Variants in FNDC3B observed in about 807,000 individuals in gnomAD.
The protein encoded by FNDC3B is fibronectin type III domain-containing protein 3B.
A neutral mutation model predicts 151.5 loss-of-function variants in FNDC3B; 12 were observed. The ratio of observed to expected loss-of-function variants is 0.08; its 90% CI spans 0.05 to 0.13. The LOEUF (loss-of-function observed/expected upper bound fraction) is 0.13. Among genes scored for constraint, FNDC3B ranks in the 10% least tolerant of loss-of-function variants. The pLI is 1.00. For synonymous variants in FNDC3B, 528 were observed against 549.0 expected, an observed-to-expected ratio of 0.96 and a Z score of 0.54; for missense variants, 1,214 against 1,505.3, an observed-to-expected ratio of 0.81 and a Z score of 3.20.
chr3:172,255,094 C>T (rs1007984059), intron 6 of FNDC3B, among the ~76,000 whole-genome samples: 14 of 152,190 alleles, frequency 9.2e-5, no homozygotes, highest in African/African-American at 3.4e-4. Flanking sequence ...AAGTAGGCAT[C>T]TCTCTACTCT....
At chr3:172,039,937 G>A (rs967878907) in intron 1 of FNDC3B, among the ~76,000 whole-genome samples, 166 bp downstream of exon 1, 4 of 151,882 alleles carry the variant, frequency 2.6e-5, no homozygotes, top group African/African-American at 9.7e-5. Flanking sequence ...CGGAGTGCTG[G>A]GGCGCCCCGT....
At chr3:172,234,050 C>T (rs113819995) in intron 4 of FNDC3B, among the ~76,000 whole-genome samples, 383 of 152,324 alleles carry the variant, frequency 2.5e-3, no homozygotes, top group African/African-American at 8.5e-3. Flanking sequence ...ATCCCCTCCC[C>T]TCAAAGTATT....
intron 25 of FNDC3B, among the ~76,000 whole-genome samples, chr3:172,381,789 G>A (rs892054339): frequency 1.3e-5 from 2 of 152,142 alleles, no homozygotes; most frequent in African/African-American, 4.8e-5. Flanking sequence ...TCCCTACAAA[G>A]GACATGAACT....
intron 5 of FNDC3B, among the ~76,000 whole-genome samples, chr3:172,249,520 T>G (rs1312034972): frequency 6.6e-6 from 1 of 152,220 alleles, no homozygotes; most frequent in African/African-American, 2.4e-5. Flanking sequence ...TGATATATTC[T>G]TTTACCTTAG....
At chr3:172,275,317 A>C (rs900776632) in intron 6 of FNDC3B, among the ~76,000 whole-genome samples, 2 of 152,192 alleles carry the variant, frequency 1.3e-5, no homozygotes, top group Non-Finnish European at 2.9e-5. Context: ...GGAAATATAC[A>C]TGCAGAAGAC....
intron 13 of FNDC3B, 43 bp from the exon 14 acceptor site, chr3:172,333,046 G>A (rs1732758497): frequency 1.5e-6 from 2 of 1,324,332 alleles, no homozygotes; most frequent in Non-Finnish European, 2.2e-6. Context: ...TTAATGCCCA[G>A]AATTTTTTAT....
intron 1 of FNDC3B, among the ~76,000 whole-genome samples, chr3:172,104,313 C>T (rs1219922959): frequency 6.6e-6 from 1 of 151,588 alleles, no homozygotes; most frequent in Non-Finnish European, 1.5e-5. Flanking sequence ...AAATTAATTA[C>T]TGAAGTTCAG....
chr3:172,047,857 CAT>C (rs1213825950), intron 1 of FNDC3B, among the ~76,000 whole-genome samples: 1 of 152,080 alleles, frequency 6.6e-6, no homozygotes, highest in Non-Finnish European at 1.5e-5. Context: ...CTTCTTTTGT[CAT>C]GTGTAAGCAT....
chr3:172,152,373 G>A (rs906965021), intron 3 of FNDC3B, among the ~76,000 whole-genome samples: 4 of 152,134 alleles, frequency 2.6e-5, no homozygotes, highest in Non-Finnish European at 4.4e-5. Flanking sequence ...AAGTAGTAGC[G>A]CAGTGCCTGG....
chr3:172,263,860 C>T (rs919967309), intron 6 of FNDC3B, among the ~76,000 whole-genome samples: 5 of 152,088 alleles, frequency 3.3e-5, no homozygotes, highest in African/African-American at 1.2e-4. Flanking sequence ...ATTAGCATTC[C>T]TCTGAAGAAA....
At chr3:172,109,939 T>C (rs925233090) in intron 1 of FNDC3B, among the ~76,000 whole-genome samples, 2 of 152,236 alleles carry the variant, frequency 1.3e-5, no homozygotes, top group Non-Finnish European at 2.9e-5. Context: ...CCCCATACTC[T>C]TCTATCCTAC....
At chr3:172,141,015 A>G (rs1017071103) in intron 3 of FNDC3B, among the ~76,000 whole-genome samples, 6 of 152,324 alleles carry the variant, frequency 3.9e-5, no homozygotes, top group African/African-American at 1.4e-4. Flanking sequence ...TTAACCTGTT[A>G]GCCCCAATTT....
intron 3 of FNDC3B, among the ~76,000 whole-genome samples, chr3:172,198,301 T>C (rs1317618838): frequency 6.6e-6 from 1 of 152,140 alleles, no homozygotes; most frequent in East Asian, 1.9e-4. Flanking sequence ...AGTATTGCAG[T>C]TGTGCCTCTC....
rs758288558 is a variant in FNDC3B, at chr3:172,285,927, A to C, written c.792A>C (p.Glu264Asp). The C allele has an allele frequency of 9.3e-6, 15 of 1,612,590 alleles. No homozygotes were observed. Among genetic ancestry groups the C allele is most frequent in the Middle Eastern group, 1.6e-4 (1 of 6,078 alleles). The change falls in exon 7 of 26, where the codon GAA (glutamate) becomes GAC (aspartate). Residue 264 changes from glutamate (E) to aspartate (D), a missense_variant and splice_region_variant. Physicochemically the swap from Glu to Asp is conservative, Grantham distance 45 (BLOSUM62 2). Transcript: ENST00000415807. ...CCTTTTTTCTTTTTCGCAATGCAGA[A>C]TATGAGTTGGAAGTAAAGAGGGTGC... ...SPKSNDSDLQ[E>D]YELEVKRVQD...
chr3:172,235,018 C>T (rs751932382), intron 4 of FNDC3B, among the ~76,000 whole-genome samples: 3 of 152,008 alleles, frequency 2.0e-5, no homozygotes, highest in Non-Finnish European at 2.9e-5. Context: ...CCAAGGAACC[C>T]ACTGACAGAC....
intron 1 of FNDC3B, among the ~76,000 whole-genome samples, chr3:172,107,377 G>GT (rs202134236): frequency 2.6e-3 from 399 of 151,196 alleles, no homozygotes; most frequent in African/African-American, 7.7e-3. Flanking sequence ...TCTACTTTCT[G>GT]TTTTTTTTTC....
chr3:172,152,578 CT>C (rs10662326), intron 3 of FNDC3B, among the ~76,000 whole-genome samples: 2,298 of 125,770 alleles, frequency 0.018, 80 homozygotes, highest in East Asian at 0.15. Context: ...ATGGGAAGGG[CT>C]TTTTTTTTTT....
At chr3:172,137,028 G>A (rs147895794) in intron 3 of FNDC3B, among the ~76,000 whole-genome samples, 184 of 152,276 alleles carry the variant, frequency 1.2e-3, no homozygotes, top group African/African-American at 4.1e-3. Context: ...TGAGGGGAAG[G>A]TGATGGGTGG....
At chr3:172,340,751 T>C (rs1301990992) in intron 16 of FNDC3B, among the ~76,000 whole-genome samples, 3 of 152,212 alleles carry the variant, frequency 2.0e-5, no homozygotes, top group Non-Finnish European at 4.4e-5. Flanking sequence ...CGTGCCTGGC[T>C]GCCCCTGAGG....
Sources: allele counts gnomAD v4.1 joint callset (sites outside exome capture counted in the v4.1 genomes callset), GRCh38; gene constraint gnomAD v4.1.1; transcripts MANE v1.5; gene names NCBI Gene and HGNC (gene_info 2026-07-23, HGNC 2026-07-21).